The following PCDHA5 variants were observed in gnomAD, a reference collection of about 807,000 sequenced individuals.
PCDHA5 encodes protocadherin alpha 5.
PCDHA5 carries 43 observed loss-of-function variants against 61.6 expected under a neutral mutation model. That is an observed-to-expected ratio of 0.70 (90% CI 0.55 to 0.90). The LOEUF (loss-of-function observed/expected upper bound fraction) is 0.90, where lower values mean the gene tolerates loss of function less well. Ranked by LOEUF, PCDHA5 falls within the 40% of genes least tolerant of loss-of-function variation. The pLI, the probability that PCDHA5 is intolerant of heterozygous loss-of-function variation, is 0.00. For synonymous variants in PCDHA5, 627 were observed against 543.9 expected (o/e 1.15, Z -2.13); for missense variants, 1,298 against 1,222.7 (o/e 1.06, Z -0.92).
At chr5:140,835,731 G>C (rs1554135211) in intron 1 of PCDHA5, 20 of 1,613,790 alleles carry the variant, frequency 1.2e-5, no homozygotes, top group Admixed American at 3.3e-5. Flanking sequence ...CGACGTGAAC[G>C]ACAACGCCCC....
At position 140,993,462 on chromosome 5, in the gene PCDHA5, T is replaced by TCACACACACA. The variant is rs3836747; in HGVS notation, c.2500+10937_2500+10946dup. On this transcript the variant is annotated intron_variant, in intron 3 of 3. Coordinates refer to ENST00000529859, the MANE Select transcript of PCDHA5 (RefSeq NM_018908.3). Reference sequence around the variant, plus strand: ...CATTCCTGTTCTCCTTCTTTCTTTCTCACACACACACACACACACACACAC... The same window carrying TCACACACACA: ...CATTCCTGTTCTCCTTCTTTCTTTCTCACACACACACACACACACACACACACACACACAC... Among the ~76,000 whole-genome samples, 267 of 141,038 alleles carry TCACACACACA rather than the reference T, an allele frequency of 1.9e-3. 2 individuals are homozygous for TCACACACACA. The highest frequency in any genetic ancestry group is 2.7e-3 in the Non-Finnish European group (175 of 64,694). The allele number at this position is 141,038 out of a possible 152,430, so 92.5% of individuals were successfully genotyped here.
rs2150127627 is a variant in PCDHA5 at position 140,823,632 on chromosome 5, C to T, written c.1857C>T (p.Ile619=). Residue 619 remains isoleucine (I), a synonymous_variant, in exon 1 of 4, where the codon ATC becomes ATT. Coordinates refer to ENST00000529859, the MANE Select transcript of PCDHA5 (RefSeq NM_018908.3). Reference sequence around the variant, plus strand: ...AGCCAGCGCCTGGCAGTGCGCGCATCCCGTTCCGCGTGGGGCTGTACACAG... The same window carrying T: ...AGCCAGCGCCTGGCAGTGCGCGCATTCCGTTCCGCGTGGGGCTGTACACAG... ...ELQPAPGSAR[I]PFRVGLYTGE... is the part of the protein sequence containing the mutation. The T allele has an allele frequency of 2.4e-5, 39 of 1,614,058 alleles. No homozygotes were observed. The South Asian group carries it at 4.1e-4, about 17-fold the overall frequency.
At chr5:140,862,736 T>C in intron 1 of PCDHA5, 1 of 575,338 alleles carries the variant, frequency 1.7e-6, no homozygotes, top group South Asian at 1.4e-5. Flanking sequence ...TCTAGCTATG[T>C]GTGGGTGCAC....
intron 1 of PCDHA5, among the ~76,000 whole-genome samples, chr5:140,941,202 C>CTTTCTTTCTTTCTTTCTTTCTTT (rs1554213921): frequency 9.0e-5 from 11 of 122,780 alleles, no homozygotes; most frequent in East Asian, 8.9e-4. Flanking sequence ...TTTCTTTCTT[C>CTTTCTTTCTTTCTTTCTTTCTTT]CTTTCTTTCT....
At position 140,870,696 on chromosome 5, in the gene PCDHA5, G is replaced by A. The variant is rs377050637; in HGVS notation, c.2352+46569G>A. The A allele has an allele frequency of 1.1e-5, 17 of 1,612,906 alleles. No individual in the cohort carries two copies. The African/African-American group carries it at 1.9e-4, about 18-fold the overall frequency. ...ACCACGAGGAGCTGGAGCTGCTACA[G>A]TTCCAGGTGAGCGCGCGCGATGCGG... On this transcript the variant is annotated intron_variant, in intron 1 of 3. Coordinates refer to ENST00000529859, the MANE Select transcript of PCDHA5 (RefSeq NM_018908.3).
chr5:140,935,734 C>G (rs1290620794), intron 1 of PCDHA5, among the ~76,000 whole-genome samples: 1 of 152,032 alleles, frequency 6.6e-6, no homozygotes, highest in East Asian at 1.9e-4. Flanking sequence ...AGTCTAGTAT[C>G]TATTATTCCA....
chr5:140,843,739 T>C (rs1554140396), intron 1 of PCDHA5: 2 of 1,538,164 alleles, frequency 1.3e-6, no homozygotes, highest in African/African-American at 2.7e-5. Context: ...AATTTAGAAC[T>C]CATAAATTCT....
At chr5:140,858,112 G>A (rs943720366) in intron 1 of PCDHA5, 27 of 1,597,680 alleles carry the variant, frequency 1.7e-5, no homozygotes, top group Non-Finnish European at 2.3e-5. Context: ...TGGCGCCCGA[G>A]GTGGCCCTGG....
intron 1 of PCDHA5, chr5:140,865,080 G>A (rs1166926722): frequency 6.6e-6 from 1 of 152,010 alleles, no homozygotes; most frequent in Non-Finnish European, 1.5e-5. Context: ...AAGAACCATG[G>A]GATATTAATA....
intron 1 of PCDHA5, chr5:140,829,367 A>G (rs1190991665): frequency 3.7e-6 from 6 of 1,614,046 alleles, no homozygotes; most frequent in Non-Finnish European, 5.1e-6. Context: ...GTTGGTGGTA[A>G]CCGCGCGGGA....
rs1554142981 is a variant in PCDHA5, at chr5:140,849,496, G to A, written c.2352+25369G>A. The A allele has an allele frequency of 6.3e-7, 1 of 1,593,496 alleles. No individual in the cohort carries two copies. Among genetic ancestry groups the A allele is most frequent in the South Asian group, 1.1e-5 (1 of 90,348 alleles). ...GGCTTCCCACCCCTGGCTGGTCATT[G>A]TACACTTCTTGTGGAAGTTGTGGAT... is the stretch of plus-strand genomic sequence containing the variant. On this transcript the variant is annotated intron_variant, in intron 1 of 3. Coordinates refer to ENST00000529859, the MANE Select transcript of PCDHA5 (RefSeq NM_018908.3).
intron 1 of PCDHA5, chr5:140,836,306 C>A: frequency 6.2e-7 from 1 of 1,613,706 alleles, no homozygotes; most frequent in Non-Finnish European, 8.5e-7. Flanking sequence ...ATGAGACGGA[C>A]GCACCGCGCC....
intron 1 of PCDHA5, chr5:140,834,180 C>T: frequency 1.8e-6 from 1 of 562,966 alleles, no homozygotes; most frequent in East Asian, 2.8e-5. Context: ...ATGATGGCCA[C>T]ATGATGTCGC....
chr5:140,836,323 T>G (rs1408397134), intron 1 of PCDHA5: 1 of 1,613,592 alleles, frequency 6.2e-7, no homozygotes, highest in East Asian at 2.2e-5. Flanking sequence ...CGCCACCGCC[T>G]TCTGGTGCTT....
chr5:140,856,786 T>C (rs1304575446), intron 1 of PCDHA5: 4 of 1,596,308 alleles, frequency 2.5e-6, no homozygotes, highest in East Asian at 4.5e-5. Context: ...GACCGGTTTA[T>C]GAAGTTAAGA....
At chr5:140,850,806 G>A (rs1359393363) in intron 1 of PCDHA5, 2 of 1,598,276 alleles carry the variant, frequency 1.3e-6, no homozygotes, top group Non-Finnish European at 1.7e-6. Flanking sequence ...CGACCTCATG[G>A]CCTTCAGCCC....
At chr5:140,834,568 G>A (rs2150221321) in intron 1 of PCDHA5, 2 of 1,613,978 alleles carry the variant, frequency 1.2e-6, no homozygotes, top group South Asian at 1.1e-5. Flanking sequence ...CTGGTGCCGC[G>A]CCTGTTCCGG....
chr5:140,851,270 A>G lies in PCDHA5; in HGVS notation c.2352+27143A>G. On this transcript the variant is annotated intron_variant, in intron 1 of 3. Transcript: ENST00000529859. ...ATGCATAGTATTTTAGTCTACTTGTATTGTTTATAAGAAACCCAAGCAAAA... is the reference window on the plus strand; with the variant it reads ...ATGCATAGTATTTTAGTCTACTTGTGTTGTTTATAAGAAACCCAAGCAAAA... The G allele has an allele frequency of 9.4e-6, 10 of 1,065,088 alleles. 1 individual carries two copies. Among genetic ancestry groups the G allele is most frequent in the Non-Finnish European group, 1.1e-5 (9 of 851,818 alleles). 66.0% of individuals were successfully genotyped at this position (1,065,088 alleles called of 1,614,324 possible).
At chr5:140,882,160 C>G (rs2058982745) in intron 1 of PCDHA5, 8 of 1,509,868 alleles carry the variant, frequency 5.3e-6, no homozygotes, top group Non-Finnish European at 7.1e-6. Flanking sequence ...CGGAATACCT[C>G]TTGCGAATCC....
Sources: allele counts gnomAD v4.1 joint callset (sites outside exome capture counted in the v4.1 genomes callset), GRCh38; gene constraint gnomAD v4.1.1; transcripts MANE v1.5; gene names NCBI Gene and HGNC (gene_info 2026-07-23, HGNC 2026-07-21).